Variants in SFSWAP observed in about 807,000 individuals in gnomAD.
SFSWAP encodes splicing factor SWAP.
Under a neutral mutation model 100.7 loss-of-function variants are expected in SFSWAP, and 17 were observed. The ratio of observed to expected loss-of-function variants is 0.17; its 90% CI spans 0.12 to 0.25. SFSWAP has a LOEUF of 0.25. Ranked by LOEUF, SFSWAP falls within the 10% of genes least tolerant of loss-of-function variation. The pLI is 1.00. For synonymous variants in SFSWAP, 504 were observed against 510.1 expected, an observed-to-expected ratio of 0.99 and a Z score of 0.16; for missense variants, 1,005 against 1,262.6, an observed-to-expected ratio of 0.80 and a Z score of 3.09.
intron 7 of SFSWAP, among the ~76,000 whole-genome samples, chr12:131,748,910 A>G (rs1330617672): frequency 6.6e-6 from 1 of 152,224 alleles, no homozygotes; most frequent in Non-Finnish European, 1.5e-5. Context: ...TCAGCATTTA[A>G]CTTAGTTTAA....
intron 15 of SFSWAP, 54 bp from the exon 16 acceptor site, chr12:131,797,124 G>A: frequency 6.5e-7 from 1 of 1,530,540 alleles, no homozygotes. Flanking sequence ...TTCTCCCTTT[G>A]TGCCCTGCCT....
intron 14 of SFSWAP, among the ~76,000 whole-genome samples, chr12:131,782,440 A>G (rs2136264628): frequency 6.6e-6 from 1 of 152,332 alleles, no homozygotes; most frequent in Non-Finnish European, 1.5e-5. Context: ...GAAAGTGTTA[A>G]TGCTGTTGTT....
In SFSWAP at chr12:131,711,805, C is replaced by A; in HGVS notation, c.218+358C>A. 1 of 246,528 alleles carries A rather than the reference C, an allele frequency of 4.1e-6. No individual in the cohort carries two copies. The highest frequency in any genetic ancestry group is 5.3e-5 in the South Asian group (1 of 18,966). 15.3% of individuals were successfully genotyped at this position (246,528 alleles called of 1,614,324 possible). A position where few individuals can be genotyped will look rare whatever the true frequency, so the allele number is the denominator to read the frequency against. ...GAGTGCACCTGGGCCTGCCGCCCGG[C>A]GATGCCATGGGGTCGTGCGCTGCTT... On this transcript the variant is annotated intron_variant, in intron 1 of 17. Coordinates refer to ENST00000261674, the MANE Select transcript of SFSWAP (RefSeq NM_004592.4). This position sits in a 1 kb window ranked among gnomAD's most constrained non-coding sequence, Gnocchi z 4.9.
rs762006477 is a variant in SFSWAP, at chr12:131,753,268, G to A, written c.1227G>A (p.Thr409=). 17 of 1,613,928 alleles carry A rather than the reference G, an allele frequency of 1.1e-5. No homozygotes were observed. Among genetic ancestry groups the A allele is most frequent in the East Asian group, 4.5e-5 (2 of 44,872 alleles). The change falls in exon 8 of 18, where the codon ACG becomes ACA. Residue 409 remains threonine (T), a synonymous_variant. Coordinates refer to ENST00000261674, the MANE Select transcript of SFSWAP (RefSeq NM_004592.4). The part of the protein sequence containing the change: ...GVTVSNSPGV[T]TTAPPPPGTT... ...CCGTGTCTAACTCCCCTGGAGTGAC[G>A]ACCACCGCCCCACCACCTCCTGGGA...
At chr12:131,797,763 G>A (rs1025094983) in intron 16 of SFSWAP, among the ~76,000 whole-genome samples, 11 of 152,226 alleles carry the variant, frequency 7.2e-5, no homozygotes, top group African/African-American at 2.4e-4. Flanking sequence ...GCCAAATGAC[G>A]CCAACCTGTC....
At chr12:131,765,229 A>G (rs550153689) in intron 12 of SFSWAP, among the ~76,000 whole-genome samples, 14 of 152,384 alleles carry the variant, frequency 9.2e-5, no homozygotes, top group Non-Finnish European at 5.9e-5. Flanking sequence ...ACTCCAGAAT[A>G]AATTCTGCTC....
At chr12:131,789,012 C>T (rs1885078157) in intron 15 of SFSWAP, among the ~76,000 whole-genome samples, 1 of 151,622 alleles carries the variant, frequency 6.6e-6, no homozygotes, top group African/African-American at 2.4e-5. Flanking sequence ...TAGGGTCTCA[C>T]TCCCATTGCG....
intron 12 of SFSWAP, 139 bp from the exon 13 acceptor site, chr12:131,765,979 T>G: frequency 1.3e-6 from 1 of 761,568 alleles, no homozygotes; most frequent in Non-Finnish European, 2.0e-6. Flanking sequence ...CTCTCAAAAT[T>G]TGATTTGTCC....
intron 7 of SFSWAP, among the ~76,000 whole-genome samples, chr12:131,747,424 G>A (rs769367047): frequency 3.0e-4 from 46 of 152,236 alleles, no homozygotes; most frequent in Non-Finnish European, 6.0e-4. Flanking sequence ...ACCATGTGCA[G>A]GATGGGGGAT....
rs1880929409 is a variant in SFSWAP, at chr12:131,744,399, G to T, written c.1082-8724G>T. 2.6e-5 allele frequency among the ~76,000 whole-genome samples: 4 copies of T among 152,206 alleles called. No individual in the cohort carries two copies. The South Asian group carries it at 8.3e-4, about 31-fold the overall frequency. ...CTAAATCATCTCTCTCAAGTTTAAA[G>T]TTCCACAGATCTCTAGGGCAGGGGC... On this transcript the variant is annotated intron_variant, in intron 7 of 17. Coordinates refer to ENST00000261674, the MANE Select transcript of SFSWAP (RefSeq NM_004592.4).
In SFSWAP at chr12:131,728,476, CA is replaced by C. The variant is rs777001604; in HGVS notation, c.1081+49del. ...CTGACCTGTGTTCAGCTGCCTGTGA[CA>C]GAGCCAGCTACAGGGCTCTAAACCC... On this transcript the variant is annotated intron_variant, in intron 7 of 17. Transcript: ENST00000261674. 27 of 1,590,904 alleles carry C rather than the reference CA, an allele frequency of 1.7e-5. No individual in the cohort carries two copies. In the African/African-American group the frequency reaches 3.5e-4, roughly 21 times the overall value.
At chr12:131,767,386 C>T (rs910542031) in intron 13 of SFSWAP, among the ~76,000 whole-genome samples, 4 of 152,126 alleles carry the variant, frequency 2.6e-5, no homozygotes, top group Non-Finnish European at 5.9e-5. Context: ...ATTTAAACTA[C>T]AAGAATATGC....
At chr12:131,797,390 G>A in intron 16 of SFSWAP, 30 bp downstream of exon 16, 1 of 1,574,130 alleles carries the variant, frequency 6.4e-7, no homozygotes, top group Non-Finnish European at 8.7e-7. Context: ...AGCTCTCTCT[G>A]GGGAAAGGCA....
chr12:131,711,541 T>G lies in SFSWAP; in HGVS notation c.218+94T>G. The G allele has an allele frequency of 1.8e-6, 2 of 1,087,386 alleles. No homozygotes were observed. Among genetic ancestry groups the G allele is most frequent in the Non-Finnish European group, 2.7e-6 (2 of 739,472 alleles). 67.4% of individuals were successfully genotyped at this position (1,087,386 alleles called of 1,614,324 possible). ...TGACTGCAAGGACTGCAGAGAGTTTTCTGGAGCCAGCGGGGATCTGGGGGA... is the reference window on the plus strand; with the variant it reads ...TGACTGCAAGGACTGCAGAGAGTTTGCTGGAGCCAGCGGGGATCTGGGGGA... On this transcript the variant is annotated intron_variant, in intron 1 of 17. Transcript: ENST00000261674. The surrounding 1 kb of genome is among the most constrained non-coding windows in gnomAD (Gnocchi z 4.9).
Position 131,714,808 on chromosome 12 carries a change from C to A in SFSWAP, c.389-14C>A. The A allele has an allele frequency of 4.4e-6, 7 of 1,606,940 alleles. No individual in the cohort carries two copies. Among genetic ancestry groups the A allele is most frequent in the Non-Finnish European group, 6.0e-6 (7 of 1,175,412 alleles). ...TTTCTATTTTTGTTGATAAAATTCT[C>A]ATTTTTATTCAAGAGGAAGAATACA... On this transcript the variant is annotated splice_polypyrimidine_tract_variant and intron_variant, in intron 2 of 17. Transcript: ENST00000261674. This position sits in a 1 kb window ranked among gnomAD's most constrained non-coding sequence, Gnocchi z 6.0.
intron 7 of SFSWAP, among the ~76,000 whole-genome samples, chr12:131,735,170 A>C (rs1005493751): frequency 1.3e-5 from 2 of 152,200 alleles, no homozygotes; most frequent in African/African-American, 2.4e-5. Context: ...AGAAAAGCCC[A>C]AAAATCAAGT....
chr12:131,750,555 G>A (rs963836649), intron 7 of SFSWAP, among the ~76,000 whole-genome samples: 6 of 152,230 alleles, frequency 3.9e-5, no homozygotes, highest in Admixed American at 2.6e-4. Context: ...GGTCAAGGGT[G>A]TGCCCAGAGC....
intron 7 of SFSWAP, 95 bp from the exon 8 acceptor site, chr12:131,753,028 A>T (rs1881795298): frequency 1.3e-6 from 2 of 1,534,182 alleles, no homozygotes; most frequent in Non-Finnish European, 1.8e-6. Context: ...GCAAGGCTGC[A>T]TCTTGCCGGG....
At chr12:131,785,156 A>G (rs1593187805) in intron 14 of SFSWAP, 1 of 1,535,726 alleles carries the variant, frequency 6.5e-7, no homozygotes, top group African/African-American at 1.4e-5. Context: ...CCAGGAAGTT[A>G]TCAGGCAGCC....
Sources: allele counts gnomAD v4.1 joint callset (sites outside exome capture counted in the v4.1 genomes callset), GRCh38; gene constraint gnomAD v4.1.1; non-coding constraint Gnocchi (gnomAD v3.1); transcripts MANE v1.5; gene names NCBI Gene and HGNC (gene_info 2026-07-23, HGNC 2026-07-21).